The following PHACTR1 variants were observed in gnomAD, a reference collection of about 807,000 sequenced individuals.
PHACTR1 encodes the protein RPEL repeat containing 1.
PHACTR1 carries 16 observed loss-of-function variants against 69.2 expected under a neutral mutation model. That is an observed-to-expected ratio of 0.23 (90% CI 0.16 to 0.35). The LOEUF is 0.35. Ranked by LOEUF, PHACTR1 falls within the 10% of genes least tolerant of loss-of-function variation. The pLI is 1.00. For synonymous variants in PHACTR1, 312 were observed against 284.5 expected (o/e 1.10, Z -0.97); for missense variants, 510 against 734.7 (o/e 0.69, Z 3.54).
chr6:13,038,422 AGAGGAAGAGGAAAGG>A (rs1803655330), intron 4 of PHACTR1, among the ~76,000 whole-genome samples: 1 of 151,198 alleles, frequency 6.6e-6, no homozygotes, highest in Non-Finnish European at 1.5e-5. Context: ...AAAGTACTCT[AGAGGAAGAGGAAAGG>A]GAGGAAGCCT....
At chr6:13,168,692 G>A (rs1237055) in intron 6 of PHACTR1, among the ~76,000 whole-genome samples, 1 of 152,056 alleles carries the variant, frequency 6.6e-6, no homozygotes, top group Non-Finnish European at 1.5e-5. Flanking sequence ...GTATCTTAGA[G>A]GAACCCTGCG....
chr6:13,283,259 C>G lies in PHACTR1; in HGVS notation c.1510-163C>G, dbSNP rs959014819. ...CTCCCAAGAGTCAGGAGACTTGGGT[C>G]CCCCCACCCTGGCCCTCCCCCTGCC... On this transcript the variant is annotated intron_variant, in intron 12 of 14. Transcript: ENST00000332995. This position sits in a 1 kb window ranked among gnomAD's most constrained non-coding sequence, Gnocchi z 4.7. 1 of 691,892 alleles carries G rather than the reference C, an allele frequency of 1.4e-6. No homozygotes were observed. The highest frequency in any genetic ancestry group is 2.3e-6 in the Non-Finnish European group (1 of 429,296). 42.9% of individuals were successfully genotyped at this position (691,892 alleles called of 1,614,324 possible).
At chr6:13,195,282 T>G (rs767027796) in intron 7 of PHACTR1, among the ~76,000 whole-genome samples, 3 of 152,144 alleles carry the variant, frequency 2.0e-5, no homozygotes, top group Non-Finnish European at 4.4e-5. Flanking sequence ...GGAGTACCTA[T>G]AGCTAAGGTT....
chr6:12,725,883 A>C (rs1324643952), intron 3 of PHACTR1, among the ~76,000 whole-genome samples: 2 of 152,198 alleles, frequency 1.3e-5, no homozygotes, highest in Non-Finnish European at 2.9e-5. Context: ...AATTTTTAAA[A>C]AAATTTTTAT....
In PHACTR1 at chr6:12,946,763, G is replaced by A. The variant is rs4129038; in HGVS notation, c.251-106602G>A. ...TGTCCAATATGGTAGAGGGCTCAGAGTCAAAAGAAGCATTACACATACAGT... is the reference window on the plus strand; with the variant it reads ...TGTCCAATATGGTAGAGGGCTCAGAATCAAAAGAAGCATTACACATACAGT... On this transcript the variant is annotated intron_variant, in intron 4 of 14. Transcript: ENST00000332995. 7.3e-3 allele frequency among the ~76,000 whole-genome samples: 1,099 copies of A among 150,214 alleles called. 10 individuals are homozygous for A. The highest frequency in any genetic ancestry group is 0.026 in the African/African-American group (1,064 of 40,786).
intron 4 of PHACTR1, among the ~76,000 whole-genome samples, chr6:13,000,656 GAA>G: frequency 2.2e-5 from 2 of 90,326 alleles, no homozygotes; most frequent in African/African-American, 1.1e-4. Context: ...AGGGAGGGAG[GAA>G]GGGGAAGGAA....
intron 4 of PHACTR1, among the ~76,000 whole-genome samples, chr6:13,003,845 G>T (rs1398173167): frequency 3.3e-5 from 5 of 150,648 alleles, no homozygotes; most frequent in African/African-American, 1.2e-4. Context: ...TGTGGTATTT[G>T]ACTTTCTGTC....
In PHACTR1 at chr6:13,228,071, C is replaced by A. The variant is rs749846793; in HGVS notation, c.1234+8C>A. The stretch of plus-strand genomic sequence containing the variant: ...ACAGCTCATTATACACCAGTGCGTT[C>A]ATCTTAACTCATCACCAGGGGTGGG... On this transcript the variant is annotated splice_region_variant and intron_variant, in intron 9 of 14. Transcript: ENST00000332995. 3 of 1,604,206 alleles carry A rather than the reference C, an allele frequency of 1.9e-6. No homozygotes were observed. The Admixed American group carries it at 5.0e-5, about 27-fold the overall frequency.
chr6:13,211,677 C>T (rs1212967732), intron 8 of PHACTR1, among the ~76,000 whole-genome samples: 9 of 152,160 alleles, frequency 5.9e-5, no homozygotes, highest in Non-Finnish European at 1.3e-4. Flanking sequence ...TCTGACTGTC[C>T]GCAAATCCTG....
At chr6:12,757,735 G>T (rs569587242) in intron 4 of PHACTR1, among the ~76,000 whole-genome samples, 1 of 152,306 alleles carries the variant, frequency 6.6e-6, no homozygotes, top group Admixed American at 6.5e-5. Context: ...CGATCATTTG[G>T]GGGCACGGAG....
intron 5 of PHACTR1, among the ~76,000 whole-genome samples, chr6:13,078,773 A>G (rs1810929077): frequency 6.6e-6 from 1 of 152,204 alleles, no homozygotes; most frequent in Admixed American, 6.6e-5. Context: ...ATCATATTCC[A>G]GAATAGTTGT....
intron 6 of PHACTR1, among the ~76,000 whole-genome samples, chr6:13,177,383 A>G (rs9395516): frequency 7.1e-6 from 1 of 139,942 alleles, no homozygotes; most frequent in Admixed American, 7.1e-5. Flanking sequence ...CTCTCTCTCT[A>G]TATATATATA....
intron 7 of PHACTR1, among the ~76,000 whole-genome samples, chr6:13,193,357 G>GTATGTATATATATATATATA (rs1554152203): frequency 2.9e-5 from 2 of 68,162 alleles, no homozygotes; most frequent in Non-Finnish European, 6.8e-5. Flanking sequence ...AGCTCTCTGT[G>GTATGTATATATATATATATA]TATATATATA....
chr6:13,072,259 T>G (rs1809651040), intron 5 of PHACTR1, among the ~76,000 whole-genome samples: 2 of 152,212 alleles, frequency 1.3e-5, no homozygotes, highest in African/African-American at 4.8e-5. Context: ...TAATCGTGGA[T>G]ACATTAATTA....
At position 13,283,695 on chromosome 6, in the gene PHACTR1, C is replaced by T; in HGVS notation, c.1650+133C>T. On this transcript the variant is annotated intron_variant, in intron 13 of 14. Coordinates refer to ENST00000332995, the MANE Select transcript of PHACTR1 (RefSeq NM_030948.6). The surrounding 1 kb of genome is among the most constrained non-coding windows in gnomAD (Gnocchi z 4.7). ...CAGTCCCCATAATGGAGTGTTGAGA[C>T]CCCAACACCTTTCCCCAGGGGCCAC... 5 of 1,300,434 alleles carry T rather than the reference C, an allele frequency of 3.8e-6. No individual in the cohort carries two copies. Among genetic ancestry groups the T allele is most frequent in the Non-Finnish European group, 5.4e-6 (5 of 923,474 alleles). The allele number at this position is 1,300,434 out of a possible 1,614,324, so 80.6% of individuals were successfully genotyped here. A position where few individuals can be genotyped will look rare whatever the true frequency, so the allele number is the denominator to read the frequency against.
intron 7 of PHACTR1, among the ~76,000 whole-genome samples, chr6:13,205,138 G>A (rs35207258): frequency 6.6e-6 from 1 of 152,054 alleles, no homozygotes; most frequent in Non-Finnish European, 1.5e-5. Flanking sequence ...TCCACCTATG[G>A]AGGAAAGCAG....
At chr6:12,900,995 C>T (rs1375148894) in intron 4 of PHACTR1, among the ~76,000 whole-genome samples, 4 of 152,220 alleles carry the variant, frequency 2.6e-5, no homozygotes, top group Admixed American at 6.5e-5. Flanking sequence ...AATCTGTAGG[C>T]GGCCCTGCTC....
chr6:13,037,504 A>G (rs1479784055), intron 4 of PHACTR1, among the ~76,000 whole-genome samples: 1 of 152,240 alleles, frequency 6.6e-6, no homozygotes, highest in Non-Finnish European at 1.5e-5. Flanking sequence ...AGAGGAAACT[A>G]GCATGCATCA....
chr6:13,273,199 C>T (rs533937853), intron 11 of PHACTR1: 10 of 397,212 alleles, frequency 2.5e-5, no homozygotes, highest in Non-Finnish European at 4.5e-5. Context: ...AGAGTGAGAC[C>T]ACTTATTATT....
Sources: gnomAD v4.1 joint callset for allele counts (sites outside exome capture counted in the v4.1 genomes callset) on GRCh38, gnomAD v4.1.1 for gene constraint, Gnocchi (gnomAD v3.1) non-coding constraint, MANE v1.5 for transcripts, NCBI Gene and HGNC (gene_info 2026-07-23, HGNC 2026-07-21) for gene names.